IRS4: variants seen among roughly 807,000 people sequenced by gnomAD.
IRS4 encodes insulin receptor substrate 4.
Under a neutral mutation model 48.6 loss-of-function variants are expected in IRS4, and 15 were observed. That is an observed-to-expected ratio of 0.31 (90% CI 0.21 to 0.48). The LOEUF is 0.48. Ranked by LOEUF, IRS4 falls within the 20% of genes least tolerant of loss-of-function variation. The pLI is 0.99. For synonymous variants in IRS4, 459 were observed against 413.2 expected (o/e 1.11, Z -1.34); for missense variants, 987 against 1,023.4 (o/e 0.96, Z 0.49).
chrX:108,723,428 T>C (rs2068862783), intron 1 of IRS4: 1 of 112,112 alleles, frequency 8.9e-6, no homozygotes, highest in Admixed American at 9.4e-5. Flanking sequence ...TCATTATGGC[T>C]CACTGCAGCC....
rs1569511090 is a variant in IRS4, at chrX:108,733,894, G to A, written c.2451C>T (p.Ser817=). 8.3e-7 allele frequency: 1 copy of A among 1,211,577 alleles called. No individual in the cohort carries two copies. Among genetic ancestry groups the A allele is most frequent in the Middle Eastern group, 2.3e-4 (1 of 4,352 alleles). ...SYFSLPNPFR[S]SPLGQNDNSE... is the part of the protein sequence containing the mutation. ...TGTTGTCATTCTGTCCCAAAGGTGA[G>A]CTCCGAAAAGGGTTTGGTAGAGAGA... is the stretch of plus-strand genomic sequence containing the variant. Residue 817 remains serine, a synonymous_variant, in exon 1 of 2, where the codon AGC becomes AGT. Transcript: ENST00000372129.
At position 108,733,931 on chromosome X, in the gene IRS4, C is replaced by T; in HGVS notation, c.2414G>A (p.Trp805Ter). ...NPQGGSSSKS[W>*]SSYFSLPNPF... ...GTTTGGTAGAGAGAAGTAGGAGCTC[C>T]AACTTTTGGAGGAAGAGCCACCCTG... is the stretch of plus-strand genomic sequence containing the variant. Residue 805 changes from tryptophan to a stop codon, truncating the protein, a stop_gained, in exon 1 of 2, where the codon TGG becomes TAG. Coordinates refer to ENST00000372129, the MANE Select transcript of IRS4 (RefSeq NM_001379150.1). LOFTEE classifies it high-confidence loss of function. 8.3e-7 allele frequency: 1 copy of T among 1,211,752 alleles called. No homozygotes were observed. Among genetic ancestry groups the T allele is most frequent in the Non-Finnish European group, 1.1e-6 (1 of 895,479 alleles).
At chrX:108,722,803 G>A (rs927971780) in intron 1 of IRS4, 4 of 156,549 alleles carry the variant, frequency 2.6e-5, no homozygotes, top group Non-Finnish European at 5.0e-5. Flanking sequence ...GCACGTGCGT[G>A]CACTGTTCTA....
Position 108,734,594 on chromosome X carries a change from C to A in IRS4, c.1751G>T (p.Gly584Val), listed in dbSNP as rs2068932952. The change falls in exon 1 of 2, where the codon GGT becomes GTT. Residue 584 changes from glycine (G) to valine (V), a missense_variant. Transcript: ENST00000372129. Reference protein sequence around the residue: ...QGPGDGHGSGGGKNSGGGKGS... With the variant: ...QGPGDGHGSGVGKNSGGGKGS... ...TTTGCCCCCCCCAGAGTTCTTGCCA[C>A]CACCTGAGCCATGGCCATCTCCAGG... The A allele has an allele frequency of 8.3e-7, 1 of 1,209,649 alleles. No individual in the cohort carries two copies. The highest frequency in any genetic ancestry group is 1.1e-6 in the Non-Finnish European group (1 of 895,162).
Position 108,733,882 on chromosome X carries a change from T to C in IRS4, c.2463A>G (p.Gly821=). 8.3e-7 allele frequency: 1 copy of C among 1,211,205 alleles called. No individual in the cohort carries two copies. Among genetic ancestry groups the C allele is most frequent in the East Asian group, 3.0e-5 (1 of 33,797 alleles). The change falls in exon 1 of 2, where the codon GGA becomes GGG. Residue 821 remains glycine (G), a synonymous_variant. Transcript: ENST00000372129. The stretch of plus-strand genomic sequence containing the variant: ...GCACATACTCACTGTTGTCATTCTG[T>C]CCCAAAGGTGAGCTCCGAAAAGGGT... The part of the protein sequence containing the change: ...LPNPFRSSPL[G]QNDNSEYVPM...
chrX:108,730,809 C>T (rs991555663), intron 1 of IRS4, among the ~76,000 whole-genome samples: 10 of 111,720 alleles, frequency 9.0e-5, no homozygotes, highest in African/African-American at 3.3e-4. Context: ...AAAACTGGTC[C>T]TTTTGAAAGT....
Position 108,736,076 on chromosome X carries a change from T to C in IRS4, c.269A>G (p.His90Arg), listed in dbSNP as rs757730679. ...GAGCACGAAGTAGCGCCTGTGCCCA[T>C]GCTTCTGTTTCCGCAGGTAGCCGCG... The part of the protein sequence containing the change: ...CKRGYLRKQK[H>R]GHRRYFVLKL... Residue 90 changes from histidine to arginine, a missense_variant, in exon 1 of 2, where the codon CAT becomes CGT. By Grantham distance (29) the His-to-Arg change is conservative (BLOSUM62 0). This residue lies in a region of IRS4 where 173 missense variants were observed against 208.9 expected (regional missense o/e 0.83). Transcript: ENST00000372129. 3.3e-6 allele frequency: 4 copies of C among 1,210,818 alleles called. No individual in the cohort carries two copies. Among genetic ancestry groups the C allele is most frequent in the Non-Finnish European group, 4.5e-6 (4 of 895,305 alleles).
At position 108,736,042 on chromosome X, in the gene IRS4, C is replaced by T. The variant is rs764953399; in HGVS notation, c.303G>A (p.Glu101=). ...CCAGCCGAGCTGGGGCGTCAGCAGT[C>T]TCGAGTTTGAGCACGAAGTAGCGCC... ...GHRRYFVLKL[E]TADAPARLEY... Residue 101 remains glutamate (E), a synonymous_variant, in exon 1 of 2, where the codon GAG becomes GAA. Transcript: ENST00000372129. The T allele has an allele frequency of 2.5e-6, 3 of 1,208,641 alleles. No homozygotes were observed. In the East Asian group the frequency reaches 8.9e-5, roughly 36 times the overall value.
intron 1 of IRS4, among the ~76,000 whole-genome samples, chrX:108,731,602 C>CT (rs751488410): frequency 3.5e-4 from 39 of 111,876 alleles, no homozygotes; most frequent in Admixed American, 3.1e-3. Context: ...TTACTTCTTC[C>CT]TTTGGAAAAG....
chrX:108,735,659 G>A lies in IRS4; in HGVS notation c.686C>T (p.Pro229Leu). ...TACCTGCCACACATCTTTATAGAAGGGTGGCTCCGCCGCCGCTGCCGCCGC... is the reference window on the plus strand; with the variant it reads ...TACCTGCCACACATCTTTATAGAAGAGTGGCTCCGCCGCCGCTGCCGCCGC... ...ALAAAAAAEP[P>L]FYKDVWQVIV... is the part of the protein sequence containing the mutation. Residue 229 changes from proline to leucine, a missense_variant, in exon 1 of 2, where the codon CCC becomes CTC. By Grantham distance (98) the Pro-to-Leu change is moderately conservative. Around this residue, in one of 4 missense-constraint regions of IRS4, gnomAD observed 173 missense variants for 208.9 expected, o/e 0.83. Transcript: ENST00000372129. 8.4e-7 allele frequency: 1 copy of A among 1,193,139 alleles called. No individual in the cohort carries two copies. Among genetic ancestry groups the A allele is most frequent in the Admixed American group, 2.2e-5 (1 of 44,890 alleles).
Position 108,733,320 on chromosome X carries a change from C to A in IRS4, c.3025G>T (p.Ala1009Ser), listed in dbSNP as rs142159004. 1.5e-4 allele frequency: 179 copies of A among 1,210,101 alleles called. No homozygotes were observed. The African/African-American group carries it at 2.6e-3, about 18-fold the overall frequency. ...PLPLSATGSN[A>S]IEEEGDYIEV... ...ATGTAGTCACCCTCTTCCTCAATAG[C>A]ATTGCTACCTGTAGCACTGAGGGGA... Residue 1009 changes from alanine (A) to serine (S), a missense_variant, in exon 1 of 2, where the codon GCT becomes TCT. Physicochemically the swap from Ala to Ser is moderately conservative, Grantham distance 99. This residue lies in a region of IRS4 where 720 missense variants were observed against 660.3 expected (regional missense o/e 1.09). Coordinates refer to ENST00000372129, the MANE Select transcript of IRS4 (RefSeq NM_001379150.1).
In IRS4 at chrX:108,722,541, A is replaced by C. The variant is rs2068859586; in HGVS notation, c.3767-18T>G. ...TAATCACTCTAGGAAAAAGATAATA[A>C]AACAAAAGTTACTTGCAGAATTAAT... On this transcript the variant is annotated intron_variant, in intron 1 of 1. Coordinates refer to ENST00000372129, the MANE Select transcript of IRS4 (RefSeq NM_001379150.1). The C allele has an allele frequency of 3.1e-6, 1 of 326,389 alleles. No homozygotes were observed. The allele number at this position is 326,389 out of a possible 1,213,427, so 26.9% of individuals were successfully genotyped here.
In IRS4 at chrX:108,735,740, T is replaced by C. The variant is rs753584516; in HGVS notation, c.605A>G (p.Lys202Arg). ...LLLSRLILESKRRRCGTLGAQ... is the reference protein window; with the variant it reads ...LLLSRLILESRRRRCGTLGAQ... ...GCCGAGCGTGCCGCAGCGGCGGCGC[T>C]TGCTCTCGAGGATGAGGCGGCTGAG... is the stretch of plus-strand genomic sequence containing the variant. The change falls in exon 1 of 2, where the codon AAG becomes AGG. Residue 202 changes from lysine (K) to arginine (R), a missense_variant. Physicochemically the swap from Lys to Arg is conservative, Grantham distance 26. Around this residue, in one of 4 missense-constraint regions of IRS4, gnomAD observed 173 missense variants for 208.9 expected, o/e 0.83. Transcript: ENST00000372129. 5.9e-6 allele frequency: 7 copies of C among 1,189,141 alleles called. No individual in the cohort carries two copies. In the South Asian group the frequency reaches 9.3e-5, roughly 16 times the overall value.
Position 108,735,502 on chromosome X carries a change from G to A in IRS4, c.843C>T (p.Ser281=). The A allele has an allele frequency of 1.7e-6, 2 of 1,210,884 alleles. No individual in the cohort carries two copies. The highest frequency in any genetic ancestry group is 1.1e-6 in the Non-Finnish European group (1 of 895,317). Residue 281 remains serine, a synonymous_variant, in exon 1 of 2, where the codon AGC becomes AGT. Coordinates refer to ENST00000372129, the MANE Select transcript of IRS4 (RefSeq NM_001379150.1). ...GCTCCGAGTGTCCACAGCGACGGATGCTCAGGAGCTGGACGACCACGCTGG... is the reference window on the plus strand; with the variant it reads ...GCTCCGAGTGTCCACAGCGACGGATACTCAGGAGCTGGACGACCACGCTGG... ...EVASVVVQLL[S]IRRCGHSEQY...
At position 108,732,619 on chromosome X, in the gene IRS4, A is replaced by G. The variant is rs1424134209; in HGVS notation, c.3726T>C (p.Asp1242=). 1 of 1,211,393 alleles carries G rather than the reference A, an allele frequency of 8.3e-7. No individual in the cohort carries two copies. The highest frequency in any genetic ancestry group is 2.2e-5 in the Admixed American group (1 of 46,023). The part of the protein sequence containing the change: ...DNDDDTHVRM[D]FARRDNQFDS... The stretch of plus-strand genomic sequence containing the variant: ...CGAACTGATTATCACGTCTGGCAAA[A>G]TCCATTCTCACGTGAGTGTCGTCGT... Residue 1242 remains aspartate, a synonymous_variant, in exon 1 of 2, where the codon GAT becomes GAC. Coordinates refer to ENST00000372129, the MANE Select transcript of IRS4 (RefSeq NM_001379150.1).
chrX:108,729,418 G>T (rs781683746), intron 1 of IRS4, among the ~76,000 whole-genome samples: 3 of 109,880 alleles, frequency 2.7e-5, no homozygotes, highest in African/African-American at 6.6e-5. Context: ...CCAGGAAAAT[G>T]TTCACCTCAA....
At position 108,733,199 on chromosome X, in the gene IRS4, T is replaced by A; in HGVS notation, c.3146A>T (p.Asp1049Val). ...ATCCATACAGCACTCAGAAAATGGGTCGACCACATAGATTCGACCTGTTTC... is the reference window on the plus strand; with the variant it reads ...ATCCATACAGCACTCAGAAAATGGGACGACCACATAGATTCGACCTGTTTC... ...DAETGRIYVVDPFSECCMDIS... is the reference protein window; with the variant it reads ...DAETGRIYVVVPFSECCMDIS... The change falls in exon 1 of 2, where the codon GAC becomes GTC. Residue 1049 changes from aspartate (D) to valine (V), a missense_variant. Coordinates refer to ENST00000372129, the MANE Select transcript of IRS4 (RefSeq NM_001379150.1). 8.3e-7 allele frequency: 1 copy of A among 1,210,906 alleles called. No individual in the cohort carries two copies. The highest frequency in any genetic ancestry group is 1.1e-6 in the Non-Finnish European group (1 of 895,173).
Position 108,733,144 on chromosome X carries a change from T to C in IRS4, c.3201A>G (p.Glu1067=). 1 of 1,210,764 alleles carries C rather than the reference T, an allele frequency of 8.3e-7. No homozygotes were observed. Among genetic ancestry groups the C allele is most frequent in the East Asian group, 3.0e-5 (1 of 33,792 alleles). ...DISLSPSRCS[E]PPPVARLLQE... is the part of the protein sequence containing the mutation. ...GCAGCAGCCTAGCTACAGGTGGTGG[T>C]TCAGAACATCGGCTGGGGGAGAGAG... is the stretch of plus-strand genomic sequence containing the variant. Residue 1067 remains glutamate, a synonymous_variant, in exon 1 of 2, where the codon GAA becomes GAG. Coordinates refer to ENST00000372129, the MANE Select transcript of IRS4 (RefSeq NM_001379150.1).
intron 1 of IRS4, among the ~76,000 whole-genome samples, chrX:108,731,960 T>G (rs1419335645): frequency 2.7e-5 from 3 of 112,062 alleles, no homozygotes; most frequent in African/African-American, 9.7e-5. Context: ...ACTGTCTTCT[T>G]TTAATCACCT....
Sources: allele counts gnomAD v4.1 joint callset (sites outside exome capture counted in the v4.1 genomes callset), GRCh38; gene constraint gnomAD v4.1.1; regional missense constraint gnomAD v4.1.1; transcripts MANE v1.5; gene names NCBI Gene and HGNC (gene_info 2026-07-23, HGNC 2026-07-21).